Variants in VRK2 observed in about 807,000 individuals in gnomAD.
VRK2 encodes the protein VRK serine/threonine kinase 2, also known as serine/threonine-protein kinase VRK2.
A neutral mutation model predicts 57.6 loss-of-function variants in VRK2; 60 were observed. That is an observed-to-expected ratio of 1.04 (90% CI 0.85 to 1.29). The LOEUF (loss-of-function observed/expected upper bound fraction) is 1.29. Among genes scored for constraint, VRK2 ranks in the 50% most tolerant of loss-of-function variants. VRK2 has a pLI of 0.00. For synonymous variants in VRK2, 231 were observed against 199.2 expected (o/e 1.16, Z -1.35); for missense variants, 705 against 588.1 (o/e 1.20, Z -2.06).
At chr2:57,981,156 T>C (rs1672412177) in intron 1 of VRK2, among the ~76,000 whole-genome samples, 1 of 152,200 alleles carries the variant, frequency 6.6e-6, no homozygotes, top group Non-Finnish European at 1.5e-5. Context: ...TAAGTATATT[T>C]TTGTGGTGGC....
rs748274932 is a variant in VRK2, at chr2:58,143,602, T to C, written c.1024-2714T>C. Among the ~76,000 whole-genome samples, 3 of 151,882 alleles carry C rather than the reference T, an allele frequency of 2.0e-5. No individual in the cohort carries two copies. The South Asian group carries it at 6.2e-4, about 32-fold the overall frequency. Reference sequence around the variant, plus strand: ...AGAGGAGTGAATATATTATACTGAATTTTGCTTATACGTCAGAGGCTCCCA... The same window carrying C: ...AGAGGAGTGAATATATTATACTGAACTTTGCTTATACGTCAGAGGCTCCCA... On this transcript the variant is annotated intron_variant, in intron 11 of 12. Transcript: ENST00000340157.
At chr2:58,093,556 G>C (rs1442790423) in intron 7 of VRK2, among the ~76,000 whole-genome samples, 1 of 152,062 alleles carries the variant, frequency 6.6e-6, no homozygotes, top group South Asian at 2.1e-4. Flanking sequence ...TGTAGATTCT[G>C]GATATTAGTC....
chr2:58,125,545 C>T (rs1462549301), intron 8 of VRK2, among the ~76,000 whole-genome samples: 3 of 151,822 alleles, frequency 2.0e-5, no homozygotes, highest in Non-Finnish European at 4.4e-5. Context: ...AGGGAAGAAC[C>T]TACATTAAAT....
At chr2:58,154,889 CA>C in intron 12 of VRK2, 1 of 591,648 alleles carries the variant, frequency 1.7e-6, no homozygotes, top group Non-Finnish European at 3.1e-6. Context: ...TTGTTCACTT[CA>C]AAATATATTT....
At chr2:58,086,771 C>G (rs1341447159) in intron 5 of VRK2, among the ~76,000 whole-genome samples, 2 of 152,152 alleles carry the variant, frequency 1.3e-5, no homozygotes, top group Non-Finnish European at 2.9e-5. Flanking sequence ...CTTCTTACTT[C>G]CTGATCATGT....
At chr2:58,005,312 T>C (rs1673208553) in intron 1 of VRK2, among the ~76,000 whole-genome samples, 1 of 152,126 alleles carries the variant, frequency 6.6e-6, no homozygotes. Context: ...GAATCTTCTG[T>C]GGTTACAAAA....
intron 1 of VRK2, among the ~76,000 whole-genome samples, chr2:57,936,531 G>GTTTTTTTTTTTTTTTTTT (rs539088139): frequency 2.2e-5 from 3 of 134,950 alleles, no homozygotes; most frequent in African/African-American, 2.8e-5. Context: ...TTGTTTTTTT[G>GTTTTTTTTTTTTTTTTTT]TTTTTTTTTT....
At chr2:58,144,247 G>A (rs1390554329) in intron 11 of VRK2, among the ~76,000 whole-genome samples, 1 of 151,830 alleles carries the variant, frequency 6.6e-6, no homozygotes, top group Non-Finnish European at 1.5e-5. Flanking sequence ...TGAGACCTGG[G>A]GAAAATGGGG....
intron 5 of VRK2, among the ~76,000 whole-genome samples, chr2:58,087,708 G>T (rs1187838897): frequency 6.6e-6 from 1 of 152,186 alleles, no homozygotes; most frequent in Non-Finnish European, 1.5e-5. Context: ...AATTCATGTG[G>T]CTGGGCACGG....
chr2:58,005,435 T>A lies in VRK2; in HGVS notation c.-438-20230T>A, dbSNP rs531545574. Among the ~76,000 whole-genome samples, 4 of 152,224 alleles carry A rather than the reference T, an allele frequency of 2.6e-5. No homozygotes were observed. In the East Asian group the frequency reaches 7.7e-4, roughly 29 times the overall value. On this transcript the variant is annotated intron_variant, in intron 1 of 15. Transcript: ENST00000417641. ...TATCTCTTGCTTTTTGATACAGTTG[T>A]TTCTGGTCTTCTAAATATTGATATT...
At chr2:58,151,731 G>GTTCTTTTTTTTTTTTT (rs1683068421) in intron 12 of VRK2, among the ~76,000 whole-genome samples, 1 of 16,722 alleles carries the variant, frequency 6.0e-5, no homozygotes, top group African/African-American at 1.3e-4. Context: ...TTCTATGCTT[G>GTTCTTTTTTTTTTTTT]TTTTTTTTTT....
Position 58,088,229 on chromosome 2 carries a change from G to A in VRK2, c.345-112G>A, listed in dbSNP as rs967362053. 1.2e-5 allele frequency: 9 copies of A among 730,120 alleles called. No individual in the cohort carries two copies. The East Asian group carries it at 1.7e-4, about 14-fold the overall frequency. 45.2% of individuals were successfully genotyped at this position (730,120 alleles called of 1,614,324 possible). On this transcript the variant is annotated intron_variant, in intron 5 of 12. Coordinates refer to ENST00000340157, the MANE Select transcript of VRK2 (RefSeq NM_006296.7). ...CATTCATTCTCTAATGGTTTAGATT[G>A]CATTATACTTAGTTGTTAGGTTGAG...
Position 58,068,066 on chromosome 2 carries a change from A to G in VRK2, c.137-16023A>G, listed in dbSNP as rs563351202. On this transcript the variant is annotated intron_variant, in intron 2 of 12. Transcript: ENST00000340157. Reference sequence around the variant, plus strand: ...TGCCTCAGCCTCTCAAGTAGCTGGCACTACAGGTGTATGCTACGACGCCCA... The same window carrying G: ...TGCCTCAGCCTCTCAAGTAGCTGGCGCTACAGGTGTATGCTACGACGCCCA... 1.2e-4 allele frequency among the ~76,000 whole-genome samples: 18 copies of G among 152,132 alleles called. No homozygotes were observed. The South Asian group carries it at 3.7e-3, about 32-fold the overall frequency.
chr2:57,933,636 C>T (rs1394632600), intron 1 of VRK2, among the ~76,000 whole-genome samples: 1 of 146,630 alleles, frequency 6.8e-6, no homozygotes, highest in Non-Finnish European at 1.5e-5. Context: ...TTAAGTGAGT[C>T]TTAGCCTGTA....
chr2:57,937,852 G>C, intron 1 of VRK2, among the ~76,000 whole-genome samples: 1 of 107,240 alleles, frequency 9.3e-6, no homozygotes, highest in South Asian at 2.9e-4. Flanking sequence ...TTTTTTTTGA[G>C]GCGGAGTCTT....
At chr2:57,988,597 G>A (rs897693583) in intron 1 of VRK2, among the ~76,000 whole-genome samples, 1 of 152,196 alleles carries the variant, frequency 6.6e-6, no homozygotes, top group Non-Finnish European at 1.5e-5. Context: ...GAAGGGCAAA[G>A]TCTCTTTCTT....
chr2:58,132,626 G>A (rs1204657348), intron 9 of VRK2, among the ~76,000 whole-genome samples: 1 of 152,118 alleles, frequency 6.6e-6, no homozygotes, highest in Non-Finnish European at 1.5e-5. Flanking sequence ...ACCAAGATAT[G>A]CTCAACAGTA....
chr2:58,114,990 G>T (rs1427413134), intron 7 of VRK2, among the ~76,000 whole-genome samples: 1 of 152,070 alleles, frequency 6.6e-6, no homozygotes, highest in Non-Finnish European at 1.5e-5. Flanking sequence ...GAAGGGAGGG[G>T]GCCTGAATAA....
intron 1 of VRK2, among the ~76,000 whole-genome samples, chr2:57,918,050 C>T (rs1448454514): frequency 6.6e-6 from 1 of 151,960 alleles, no homozygotes; most frequent in African/African-American, 2.4e-5. Flanking sequence ...ATTTCAACTA[C>T]CCAGCAGTAA....
Sources: gnomAD v4.1 joint callset for allele counts (sites outside exome capture counted in the v4.1 genomes callset) on GRCh38, gnomAD v4.1.1 for gene constraint, MANE v1.5 for transcripts, NCBI Gene and HGNC (gene_info 2026-07-23, HGNC 2026-07-21) for gene names.